Variants in WWOX observed in about 807,000 individuals in gnomAD.
WWOX encodes WW domain containing oxidoreductase.
A neutral mutation model predicts 46.2 loss-of-function variants in WWOX; 69 were observed. That is an observed-to-expected ratio of 1.49 (90% CI 1.23 to 1.82). WWOX has a LOEUF of 1.82. Among genes scored for constraint, WWOX ranks in the 40% most tolerant of loss-of-function variants. The pLI is 0.00. For missense variants in WWOX, 919 were observed against 542.6 expected, an observed-to-expected ratio of 1.69 and a Z score of -6.89; for synonymous variants, 359 against 202.6, an observed-to-expected ratio of 1.77 and a Z score of -6.56.
At chr16:78,173,047 G>A (rs1249060113) in intron 5 of WWOX, among the ~76,000 whole-genome samples, 5 of 152,178 alleles carry the variant, frequency 3.3e-5, no homozygotes, top group East Asian at 1.9e-4. Context: ...ACTTCCCTAC[G>A]CAAGGACAAG....
At chr16:78,408,568 A>G (rs891759475) in intron 6 of WWOX, among the ~76,000 whole-genome samples, 2 of 152,224 alleles carry the variant, frequency 1.3e-5, no homozygotes, top group Non-Finnish European at 2.9e-5. Context: ...ACTGTATCAC[A>G]GGGAACTTGT....
intron 5 of WWOX, among the ~76,000 whole-genome samples, chr16:78,339,195 G>C (rs1457813651): frequency 1.7e-5 from 2 of 119,326 alleles, no homozygotes; most frequent in East Asian, 3.9e-4. Flanking sequence ...ATAAGTAAGT[G>C]TATGCACCAC....
At chr16:78,958,303 A>G (rs2046209040) in intron 8 of WWOX, among the ~76,000 whole-genome samples, 1 of 152,146 alleles carries the variant, frequency 6.6e-6, no homozygotes, top group Non-Finnish European at 1.5e-5. Context: ...TCAAAATAAC[A>G]TTTACTCTAT....
At chr16:78,522,479 T>G (rs1048203297) in intron 8 of WWOX, among the ~76,000 whole-genome samples, 2 of 152,172 alleles carry the variant, frequency 1.3e-5, no homozygotes, top group African/African-American at 4.8e-5. Flanking sequence ...TCTTCCTCTG[T>G]CTCCGATGTC....
intron 6 of WWOX, among the ~76,000 whole-genome samples, chr16:78,397,695 G>T (rs1218560820): frequency 6.6e-6 from 1 of 152,178 alleles, no homozygotes; most frequent in Non-Finnish European, 1.5e-5. Context: ...CAATTAGAAA[G>T]GTCAGTTCAA....
chr16:78,630,647 T>A (rs1456965125), intron 8 of WWOX, among the ~76,000 whole-genome samples: 5 of 152,204 alleles, frequency 3.3e-5, no homozygotes, highest in Non-Finnish European at 1.5e-5. Flanking sequence ...TTCGCCTCAT[T>A]CACCATTTCC....
chr16:78,728,020 G>C (rs72799100), intron 8 of WWOX, among the ~76,000 whole-genome samples: 24,112 of 143,778 alleles, frequency 0.17, 2,575 homozygotes, highest in East Asian at 0.23. Flanking sequence ...AGTGAACATA[G>C]ATAACTCCCT....
chr16:78,263,886 C>T (rs1170281660), intron 5 of WWOX, among the ~76,000 whole-genome samples: 1 of 151,958 alleles, frequency 6.6e-6, no homozygotes, highest in Non-Finnish European at 1.5e-5. Flanking sequence ...CTCAGGCTGG[C>T]CAGTGTGGAA....
chr16:78,409,730 G>A (rs2082632314), intron 6 of WWOX, among the ~76,000 whole-genome samples: 1 of 152,186 alleles, frequency 6.6e-6, no homozygotes, highest in African/African-American at 2.4e-5. Flanking sequence ...TGGCTCTGCT[G>A]CTTTCTAGAG....
intron 5 of WWOX, among the ~76,000 whole-genome samples, chr16:78,357,854 C>T (rs139402136): frequency 6.6e-6 from 1 of 152,156 alleles, no homozygotes; most frequent in Non-Finnish European, 1.5e-5. Context: ...AAATAGCTAA[C>T]CAGTAGCAGA....
intron 8 of WWOX, among the ~76,000 whole-genome samples, chr16:78,813,264 A>AC (rs1555542470): frequency 2.0e-5 from 3 of 151,792 alleles, no homozygotes; most frequent in African/African-American, 4.8e-5. Context: ...TTTTCATTTA[A>AC]TTTTTTTTCC....
At chr16:78,748,040 A>G (rs115691066) in intron 8 of WWOX, among the ~76,000 whole-genome samples, 327 of 152,248 alleles carry the variant, frequency 2.1e-3, no homozygotes, top group African/African-American at 7.6e-3. Context: ...TGGCCAGAGC[A>G]CTTGGGATCT....
intron 8 of WWOX, among the ~76,000 whole-genome samples, chr16:78,580,347 A>T (rs556471439): frequency 6.6e-6 from 1 of 152,258 alleles, no homozygotes; most frequent in Non-Finnish European, 1.5e-5. Context: ...GTATTGGAAT[A>T]TCCGGTGTGA....
intron 8 of WWOX, among the ~76,000 whole-genome samples, chr16:79,141,771 T>A (rs2050094186): frequency 6.6e-6 from 1 of 151,828 alleles, no homozygotes; most frequent in Non-Finnish European, 1.5e-5. Flanking sequence ...TTAGGATGAC[T>A]CTCCATTGCT....
At chr16:78,368,406 G>A (rs1403965204) in intron 5 of WWOX, among the ~76,000 whole-genome samples, 1 of 152,118 alleles carries the variant, frequency 6.6e-6, no homozygotes, top group Non-Finnish European at 1.5e-5. Context: ...AAAGGAGTGT[G>A]GACTCATAAA....
chr16:78,550,021 C>G (rs932431559), intron 8 of WWOX, among the ~76,000 whole-genome samples: 6 of 152,140 alleles, frequency 3.9e-5, no homozygotes, highest in African/African-American at 9.7e-5. Context: ...TGAAAACACG[C>G]AATACACATT....
At chr16:78,731,131 A>C (rs2048960159) in intron 8 of WWOX, among the ~76,000 whole-genome samples, 1 of 152,170 alleles carries the variant, frequency 6.6e-6, no homozygotes. Context: ...AATCTGGTTT[A>C]ACTGGGCTGT....
intron 5 of WWOX, among the ~76,000 whole-genome samples, chr16:78,332,527 G>A (rs1050427549): frequency 1.2e-4 from 19 of 152,266 alleles, no homozygotes; most frequent in Middle Eastern, 3.4e-3. Context: ...TAAGGTGAAA[G>A]GCTTATTCCA....
chr16:78,212,626 T>A (rs2036592933), intron 5 of WWOX, among the ~76,000 whole-genome samples: 1 of 152,116 alleles, frequency 6.6e-6, no homozygotes, highest in African/African-American at 2.4e-5. Context: ...CAAATCTGAA[T>A]TAGGTCCACG....
Sources: gnomAD v4.1 joint callset for allele counts (sites outside exome capture counted in the v4.1 genomes callset) on GRCh38, gnomAD v4.1.1 for gene constraint, MANE v1.5 for transcripts, NCBI Gene and HGNC (gene_info 2026-07-23, HGNC 2026-07-21) for gene names.